ZNF385D: variants seen among roughly 807,000 people sequenced by gnomAD.
The protein encoded by ZNF385D is zinc finger protein 659.
In ZNF385D, 15 loss-of-function variants were observed where a neutral mutation model predicts 35.8. That is an observed-to-expected ratio of 0.42 (90% CI 0.28 to 0.64). The LOEUF (loss-of-function observed/expected upper bound fraction) is 0.64. Among genes scored for constraint, ZNF385D ranks in the 30% least tolerant of loss-of-function variants. The pLI is 0.23. For missense variants in ZNF385D, 474 were observed against 494.6 expected (o/e 0.96, Z 0.39); for synonymous variants, 212 against 186.8 (o/e 1.13, Z -1.10).
chr3:21,776,373 A>C lies in ZNF385D; in HGVS notation c.326-111345T>G, dbSNP rs539728822. Among the ~76,000 whole-genome samples the C allele has an allele frequency of 1.1e-4, 16 of 152,072 alleles. No homozygotes were observed. The South Asian group carries it at 3.3e-3, about 31-fold the overall frequency. On this transcript the variant is annotated intron_variant, in intron 3 of 5. Coordinates refer to the ZNF385D transcript ENST00000494108. ...CTCTCAAAAGATCGTGCCAATTTAC[A>C]ATCACATCACATGAGCGCCGTGTGT...
At chr3:22,085,431 G>A (rs1559357228) in intron 3 of ZNF385D, among the ~76,000 whole-genome samples, 2 of 152,152 alleles carry the variant, frequency 1.3e-5, no homozygotes, top group African/African-American at 2.4e-5. Context: ...ACTATCATCA[G>A]AGAATACTAT....
intron 2 of ZNF385D, among the ~76,000 whole-genome samples, chr3:22,182,914 T>C (rs1053636662): frequency 2.0e-5 from 3 of 152,142 alleles, no homozygotes; most frequent in African/African-American, 4.8e-5. Context: ...AAATGCATTA[T>C]ATTTAGATTT....
intron 3 of ZNF385D, among the ~76,000 whole-genome samples, chr3:22,057,515 T>TC: frequency 6.7e-6 from 1 of 148,468 alleles, no homozygotes; most frequent in Non-Finnish European, 1.5e-5. Flanking sequence ...TTTAAAGTAT[T>TC]TTTTTTTTTT....
chr3:22,181,499 A>C (rs1695268296), intron 2 of ZNF385D, among the ~76,000 whole-genome samples: 1 of 152,068 alleles, frequency 6.6e-6, no homozygotes, highest in South Asian at 2.1e-4. Flanking sequence ...GATCGAGACC[A>C]TGCTGGCGAA....
intron 2 of ZNF385D, among the ~76,000 whole-genome samples, chr3:22,242,246 C>T (rs912203654): frequency 2.7e-5 from 4 of 150,890 alleles, no homozygotes; most frequent in African/African-American, 9.8e-5. Flanking sequence ...AAAAAAATAT[C>T]CACTCCCTAA....
chr3:22,155,527 T>A (rs1172243948), intron 3 of ZNF385D, among the ~76,000 whole-genome samples: 1 of 151,862 alleles, frequency 6.6e-6, no homozygotes, highest in African/African-American at 2.4e-5. Flanking sequence ...GCAAAAGGGG[T>A]CCTTGACTAG....
At chr3:21,965,047 C>T (rs750157486) in intron 3 of ZNF385D, among the ~76,000 whole-genome samples, 53 of 152,178 alleles carry the variant, frequency 3.5e-4, no homozygotes, top group Non-Finnish European at 5.6e-4. Flanking sequence ...AAAGTTGACA[C>T]TAGAATCAGA....
At position 21,422,962 on chromosome 3, in the gene ZNF385D, A is replaced by C. The variant is rs752644467; in HGVS notation, c.954+1001T>G. ...TGTCCTCTCTCACCACTCCTATTCA[A>C]CATAGTATTGGAAGTCCTGGCCAGG... On this transcript the variant is annotated intron_variant, in intron 7 of 7. Coordinates refer to ENST00000281523, the MANE Select transcript of ZNF385D (RefSeq NM_024697.3). Among the ~76,000 whole-genome samples the C allele has an allele frequency of 9.9e-5, 15 of 152,150 alleles. 1 individual carries two copies. The highest frequency in any genetic ancestry group is 7.9e-4 in the Admixed American group (12 of 15,266).
intron 3 of ZNF385D, among the ~76,000 whole-genome samples, chr3:21,761,128 G>C (rs2070589199): frequency 6.6e-6 from 1 of 152,266 alleles, no homozygotes; most frequent in Non-Finnish European, 1.5e-5. Flanking sequence ...GCCAAAGCCA[G>C]TACCAACTTG....
chr3:21,850,579 T>C (rs993215771), intron 3 of ZNF385D, among the ~76,000 whole-genome samples: 1 of 152,130 alleles, frequency 6.6e-6, no homozygotes, highest in Non-Finnish European at 1.5e-5. Context: ...AATTAAATGA[T>C]TAAGGTAAGA....
intron 3 of ZNF385D, among the ~76,000 whole-genome samples, chr3:21,803,237 C>G (rs1240626049): frequency 6.6e-6 from 1 of 151,980 alleles, no homozygotes; most frequent in Non-Finnish European, 1.5e-5. Flanking sequence ...ACCTTAGAAT[C>G]AAAGCACAAA....
intron 3 of ZNF385D, among the ~76,000 whole-genome samples, chr3:21,910,878 G>T (rs1447889383): frequency 6.6e-6 from 1 of 151,658 alleles, no homozygotes; most frequent in Non-Finnish European, 1.5e-5. Context: ...ATTAAATTTA[G>T]TTTTTGAATT....
chr3:22,007,795 T>C (rs1623760), intron 3 of ZNF385D, among the ~76,000 whole-genome samples: 37,099 of 150,436 alleles, frequency 0.25, 5,036 homozygotes, highest in Non-Finnish European at 0.3. Flanking sequence ...CCTTTTGATA[T>C]GATATATATA....
intron 3 of ZNF385D, among the ~76,000 whole-genome samples, chr3:22,163,343 G>A (rs934740611): frequency 7.9e-5 from 12 of 152,072 alleles, no homozygotes; most frequent in African/African-American, 2.2e-4. Flanking sequence ...GTACATCGCC[G>A]TCAGAAACCG....
intron 3 of ZNF385D, among the ~76,000 whole-genome samples, chr3:22,077,846 A>C (rs1904535): frequency 0.15 from 22,812 of 151,804 alleles, 2,216 homozygotes; most frequent in Middle Eastern, 0.25. Context: ...ATAGGTTACT[A>C]TTTATTCATT....
At chr3:21,964,412 TAA>T (rs60635259) in intron 3 of ZNF385D, among the ~76,000 whole-genome samples, 3,091 of 71,438 alleles carry the variant, frequency 0.043, 169 homozygotes, top group African/African-American at 0.13. Context: ...GTCCTTTTTG[TAA>T]AAAAAAAAAA....
intron 3 of ZNF385D, among the ~76,000 whole-genome samples, chr3:21,762,990 G>C (rs2070685293): frequency 6.6e-6 from 1 of 152,112 alleles, no homozygotes; most frequent in African/African-American, 2.4e-5. Context: ...ATCTCCATCA[G>C]TGTCTGTGAC....
intron 2 of ZNF385D, among the ~76,000 whole-genome samples, chr3:22,252,977 G>A (rs1441606948): frequency 1.3e-5 from 2 of 152,200 alleles, no homozygotes; most frequent in African/African-American, 2.4e-5. Context: ...GCATGACAGA[G>A]TAGTATCTAT....
At chr3:21,432,911 A>G (rs1276234279) in intron 5 of ZNF385D, among the ~76,000 whole-genome samples, 1 of 152,168 alleles carries the variant, frequency 6.6e-6, no homozygotes, top group African/African-American at 2.4e-5. Flanking sequence ...TCAAAGGGAA[A>G]GCGAATGAAA....
Sources: allele counts gnomAD v4.1 joint callset (sites outside exome capture counted in the v4.1 genomes callset), GRCh38; gene constraint gnomAD v4.1.1; transcripts MANE v1.5; gene names NCBI Gene and HGNC (gene_info 2026-07-23, HGNC 2026-07-21).